Variants in SPA17 observed in about 807,000 individuals in gnomAD.
SPA17 encodes sperm autoantigenic protein 17.
A neutral mutation model predicts 13.8 loss-of-function variants in SPA17; 7 were observed. The ratio of observed to expected loss-of-function variants is 0.51; its 90% CI spans 0.29 to 0.95. The LOEUF (loss-of-function observed/expected upper bound fraction) is 0.95, where lower values mean the gene tolerates loss of function less well. Ranked by LOEUF, SPA17 falls within the 40% of genes least tolerant of loss-of-function variation. The probability of loss-of-function intolerance (pLI) is 0.08; values close to 1 mark genes in which losing one functional copy is unlikely to be tolerated. For synonymous variants in SPA17, 61 were observed against 59.0 expected, an observed-to-expected ratio of 1.03 and a Z score of -0.16; for missense variants, 170 against 179.3, an observed-to-expected ratio of 0.95 and a Z score of 0.30.
Position 124,694,795 on chromosome 11 carries a change from T to A in SPA17, c.*349T>A, listed in dbSNP as rs1439895151. 1.2e-5 allele frequency: 2 copies of A among 160,194 alleles called. No homozygotes were observed. The highest frequency in any genetic ancestry group is 4.8e-5 in the African/African-American group (2 of 41,720). 9.9% of individuals were successfully genotyped at this position (160,194 alleles called of 1,614,324 possible). ...TCCTCTCTATCACATCCCCCAAAAA[T>A]GTTCTTTAGCTCCTGTTTCACTCCT... On this transcript the variant is annotated 3_prime_UTR_variant, in exon 5 of 5. Transcript: ENST00000227135.
intron 3 of SPA17, among the ~76,000 whole-genome samples, chr11:124,681,785 G>C (rs1265511179): frequency 6.6e-6 from 1 of 152,054 alleles, no homozygotes; most frequent in Non-Finnish European, 1.5e-5. Context: ...GGAAGAAGGT[G>C]CTTAAAAGTT....
chr11:124,682,864 C>G (rs1454574605), intron 3 of SPA17, among the ~76,000 whole-genome samples: 2 of 149,254 alleles, frequency 1.3e-5, no homozygotes, highest in Non-Finnish European at 3.0e-5. Flanking sequence ...TTTAAACATC[C>G]AGATATAGGC....
chr11:124,681,744 A>C (rs1320663564), intron 3 of SPA17, among the ~76,000 whole-genome samples: 1 of 152,076 alleles, frequency 6.6e-6, no homozygotes, highest in Non-Finnish European at 1.5e-5. Context: ...TCATGTACAG[A>C]TATTTCACTT....
In SPA17 at chr11:124,673,946, A is replaced by G. The variant is rs182325961; in HGVS notation, c.-34A>G. On this transcript the variant is annotated 5_prime_UTR_variant, in exon 1 of 5. Coordinates refer to ENST00000227135, the MANE Select transcript of SPA17 (RefSeq NM_017425.4). The stretch of plus-strand genomic sequence containing the variant: ...GAACCGGCGGCACCAGCTCGGAGAG[A>G]AAGGAGGTGAGGCCGCTTCCCCACT... 8,754 of 574,542 alleles carry G rather than the reference A, an allele frequency of 0.015. 97 individuals are homozygous for G. Among genetic ancestry groups the G allele is most frequent in the Non-Finnish European group, 0.019 (6,271 of 323,070 alleles). 35.6% of individuals were successfully genotyped at this position (574,542 alleles called of 1,614,324 possible).
chr11:124,687,031 C>T (rs1943584157), intron 3 of SPA17, among the ~76,000 whole-genome samples: 1 of 151,948 alleles, frequency 6.6e-6, no homozygotes. Flanking sequence ...ATAAAATTGA[C>T]AAATGGCTAG....
At chr11:124,692,041 G>C (rs1174535790) in intron 4 of SPA17, among the ~76,000 whole-genome samples, 1 of 152,040 alleles carries the variant, frequency 6.6e-6, no homozygotes, top group Non-Finnish European at 1.5e-5. Flanking sequence ...TCCCTATGGG[G>C]AAGGGCAGAC....
intron 3 of SPA17, among the ~76,000 whole-genome samples, chr11:124,686,067 G>C (rs748600269): frequency 2.0e-5 from 3 of 152,086 alleles, no homozygotes; most frequent in Non-Finnish European, 4.4e-5. Flanking sequence ...TGAGATTTGG[G>C]AGGGGCCAGG....
At chr11:124,688,039 G>A (rs187299665) in intron 3 of SPA17, among the ~76,000 whole-genome samples, 1 of 152,204 alleles carries the variant, frequency 6.6e-6, no homozygotes, top group Admixed American at 6.5e-5. Flanking sequence ...TCAGGGATGG[G>A]GTCTCACTCT....
intron 3 of SPA17, among the ~76,000 whole-genome samples, chr11:124,685,409 G>T (rs1402652528): frequency 6.6e-6 from 1 of 152,234 alleles, no homozygotes; most frequent in Non-Finnish European, 1.5e-5. Flanking sequence ...AGGATGTATA[G>T]AAACACCTGG....
rs779576077 is a variant in SPA17, at chr11:124,675,258, C to G, written c.-7C>G. ...TTTAGGTTCCATAGGCAGTTCTTACCAAGAAGATGTCGATTCCATTCTCCA... is the reference window on the plus strand; with the variant it reads ...TTTAGGTTCCATAGGCAGTTCTTACGAAGAAGATGTCGATTCCATTCTCCA... On this transcript the variant is annotated 5_prime_UTR_variant, in exon 2 of 5. Transcript: ENST00000227135. 2.2e-5 allele frequency: 36 copies of G among 1,609,892 alleles called. No individual in the cohort carries two copies. Among genetic ancestry groups the G allele is most frequent in the Non-Finnish European group, 2.8e-5 (33 of 1,178,750 alleles).
At chr11:124,694,138 C>G (rs1943650724) in intron 4 of SPA17, 165 bp from the exon 5 acceptor site, 2 of 736,024 alleles carry the variant, frequency 2.7e-6, no homozygotes, top group Non-Finnish European at 2.0e-6. Context: ...TTGGCATTTG[C>G]CATTTGGTAC....
intron 2 of SPA17, among the ~76,000 whole-genome samples, chr11:124,678,758 G>A (rs1943498800): frequency 6.6e-6 from 1 of 152,042 alleles, no homozygotes; most frequent in South Asian, 2.1e-4. Flanking sequence ...GGCAGAGACA[G>A]GGTTTTGCCA....
Position 124,696,527 on chromosome 11 carries a change from T to A in SPA17, c.*2081T>A, listed in dbSNP as rs1340300957. 1 of 152,122 alleles carries A rather than the reference T, an allele frequency of 6.6e-6. No homozygotes were observed. Among genetic ancestry groups the A allele is most frequent in the Non-Finnish European group, 1.5e-5 (1 of 68,050 alleles). The allele number at this position is 152,122 out of a possible 1,614,324, so 9.4% of individuals were successfully genotyped here. On this transcript the variant is annotated 3_prime_UTR_variant, in exon 5 of 5. Transcript: ENST00000227135. ...GATCTCATGGTAGTGATATTGGTAG[T>A]GAAGGAGGAAAAGGAAAAGGTGAGC... is the stretch of plus-strand genomic sequence containing the variant.
At chr11:124,675,603 A>G (rs1161180367) in intron 2 of SPA17, 185 bp downstream of exon 2, 2 of 550,572 alleles carry the variant, frequency 3.6e-6, no homozygotes, top group East Asian at 3.3e-5. Flanking sequence ...TTCGTTTCAT[A>G]TTATCGAAGA....
rs760237289 is a variant in SPA17, at chr11:124,691,756, G to A, written c.286G>A (p.Glu96Lys). Residue 96 changes from glutamate (E) to lysine (K), a missense_variant, in exon 4 of 5, where the codon GAG becomes AAG. Transcript: ENST00000227135. ...AGAAGAGTCTCAGATATCTGGGAAG[G>A]AGGAAGAGACATCAGTCACCATCTT... Reference protein sequence around the residue: ...KQEESQISGKEEETSVTILDS... With the variant: ...KQEESQISGKKEETSVTILDS... The A allele has an allele frequency of 7.4e-6, 12 of 1,611,522 alleles. No homozygotes were observed. The African/African-American group carries it at 9.4e-5, about 13-fold the overall frequency.
At chr11:124,694,117 T>C (rs1217508431) in intron 4 of SPA17, among the ~76,000 whole-genome samples, 186 bp from the exon 5 acceptor site, 3 of 152,200 alleles carry the variant, frequency 2.0e-5, no homozygotes, top group Non-Finnish European at 2.9e-5. Context: ...CAAAACAAAA[T>C]GCCTGCTATT....
chr11:124,684,347 T>G (rs1027976613), intron 3 of SPA17, among the ~76,000 whole-genome samples: 2 of 152,074 alleles, frequency 1.3e-5, no homozygotes, highest in Non-Finnish European at 2.9e-5. Context: ...CTGCAACCCC[T>G]GCCTCCTGGG....
At chr11:124,679,377 A>G (rs1943504038) in intron 2 of SPA17, among the ~76,000 whole-genome samples, 1 of 152,098 alleles carries the variant, frequency 6.6e-6, no homozygotes. Context: ...GGTTATTCTG[A>G]AATTATATAG....
intron 2 of SPA17, among the ~76,000 whole-genome samples, chr11:124,676,617 G>T (rs1943467067): frequency 6.6e-6 from 1 of 152,210 alleles, no homozygotes; most frequent in South Asian, 2.1e-4. Context: ...TCCGGTCAGG[G>T]TGAATATCTG....
Sources: gnomAD v4.1 joint callset for allele counts (sites outside exome capture counted in the v4.1 genomes callset) on GRCh38, gnomAD v4.1.1 for gene constraint, MANE v1.5 for transcripts, NCBI Gene and HGNC (gene_info 2026-07-23, HGNC 2026-07-21) for gene names.